The following ZFPM2 variants were observed in gnomAD, a reference collection of about 807,000 sequenced individuals.
ZFPM2 encodes zinc finger protein, FOG family member 2.
ZFPM2 carries 20 observed loss-of-function variants against 98.6 expected under a neutral mutation model. The observed-to-expected ratio is 0.20, with a 90% CI of 0.14 to 0.29. The LOEUF is 0.29. Among genes scored for constraint, ZFPM2 ranks in the 10% least tolerant of loss-of-function variants. ZFPM2 has a pLI of 1.00. For missense variants in ZFPM2, 1,310 were observed against 1,388.6 expected (o/e 0.94, Z 0.90); for synonymous variants, 518 against 502.7 (o/e 1.03, Z -0.41).
chr8:105,481,154 G>C (rs1403013431), intron 3 of ZFPM2, among the ~76,000 whole-genome samples: 1 of 152,032 alleles, frequency 6.6e-6, no homozygotes. Context: ...TAGTGGGAGA[G>C]CCTGTCACAT....
chr8:105,388,093 A>G (rs1198041138), intron 1 of ZFPM2, among the ~76,000 whole-genome samples: 2 of 152,230 alleles, frequency 1.3e-5, no homozygotes, highest in Non-Finnish European at 2.9e-5. Context: ...CTGATAAAAG[A>G]TATGATATGT....
intron 4 of ZFPM2, among the ~76,000 whole-genome samples, chr8:105,616,493 A>G (rs1816417019): frequency 6.6e-6 from 1 of 152,054 alleles, no homozygotes. Context: ...GTTGGATGTA[A>G]TAAATAGGCA....
chr8:105,440,018 A>T (rs1397231248), intron 2 of ZFPM2, among the ~76,000 whole-genome samples: 1 of 152,214 alleles, frequency 6.6e-6, no homozygotes, highest in Non-Finnish European at 1.5e-5. Context: ...GAAGATTAAG[A>T]TGGTAAACTG....
intron 5 of ZFPM2, among the ~76,000 whole-genome samples, chr8:105,750,712 CATAGTTTTCCTGACTCAG>C (rs779658776): frequency 3.0e-4 from 45 of 151,946 alleles, no homozygotes; most frequent in Non-Finnish European, 1.0e-4. Context: ...CAGTAATACT[CATAGTTTTCCTGACTCAG>C]AGGAAAAACG....
chr8:105,459,831 T>G (rs1812670639), intron 3 of ZFPM2, among the ~76,000 whole-genome samples: 1 of 152,154 alleles, frequency 6.6e-6, no homozygotes, highest in South Asian at 2.1e-4. Context: ...GGCCTCAATA[T>G]ATGAGTTTTG....
intron 3 of ZFPM2, among the ~76,000 whole-genome samples, chr8:105,500,596 G>A (rs1207766163): frequency 6.6e-6 from 1 of 152,010 alleles, no homozygotes; most frequent in East Asian, 1.9e-4. Context: ...AGAACGTTAG[G>A]TTTTAAGAAG....
intron 5 of ZFPM2, among the ~76,000 whole-genome samples, chr8:105,785,998 C>T (rs796509282): frequency 1.1e-3 from 153 of 137,666 alleles, no homozygotes; most frequent in African/African-American, 4.2e-3. Context: ...GCGGAGATGG[C>T]GCCACTGCAC....
intron 3 of ZFPM2, among the ~76,000 whole-genome samples, chr8:105,558,476 G>T (rs1586461937): frequency 6.6e-6 from 1 of 152,122 alleles, no homozygotes; most frequent in African/African-American, 2.4e-5. Context: ...TTAAGAGCTT[G>T]TAAAAGTATT....
At chr8:105,652,933 A>G (rs1418682527) in intron 5 of ZFPM2, among the ~76,000 whole-genome samples, 7 of 152,154 alleles carry the variant, frequency 4.6e-5, no homozygotes, top group Admixed American at 6.5e-5. Context: ...CAATGTTGCT[A>G]TGTTTTGAGT....
At chr8:105,763,243 A>C (rs1013857748) in intron 5 of ZFPM2, among the ~76,000 whole-genome samples, 2 of 151,854 alleles carry the variant, frequency 1.3e-5, no homozygotes, top group African/African-American at 4.8e-5. Context: ...TAGCATACAG[A>C]ATATTAGCAA....
chr8:105,682,132 A>G (rs971319583), intron 5 of ZFPM2, among the ~76,000 whole-genome samples: 6 of 152,212 alleles, frequency 3.9e-5, no homozygotes, highest in African/African-American at 1.4e-4. Context: ...CTTCCGTTCA[A>G]GCCATTACAA....
intron 5 of ZFPM2, among the ~76,000 whole-genome samples, chr8:105,778,141 C>T (rs1352048658): frequency 2.6e-5 from 4 of 152,118 alleles, no homozygotes; most frequent in Non-Finnish European, 5.9e-5. Flanking sequence ...ACTCCACTGT[C>T]AAGAATTTCA....
intron 2 of ZFPM2, among the ~76,000 whole-genome samples, chr8:105,421,453 T>A (rs562370624): frequency 2.6e-5 from 4 of 152,106 alleles, no homozygotes; most frequent in African/African-American, 9.7e-5. Flanking sequence ...AATAGTAATA[T>A]TACTATTGAT....
rs1304730678 is a variant in ZFPM2, at chr8:105,745,052, C to T, written c.533-43666C>T. Among the ~76,000 whole-genome samples, 9 of 152,164 alleles carry T rather than the reference C, an allele frequency of 5.9e-5. No homozygotes were observed. In the South Asian group the frequency reaches 1.9e-3, roughly 31 times the overall value. Reference sequence around the variant, plus strand: ...CACATCACAAGCTCTAGCTCTTCTTCTCATATCCAACTTGAATGTCACATT... The same window carrying T: ...CACATCACAAGCTCTAGCTCTTCTTTTCATATCCAACTTGAATGTCACATT... On this transcript the variant is annotated intron_variant, in intron 5 of 7. Transcript: ENST00000407775.
At chr8:105,702,125 A>G (rs1349207016) in intron 5 of ZFPM2, among the ~76,000 whole-genome samples, 1 of 152,218 alleles carries the variant, frequency 6.6e-6, no homozygotes, top group Non-Finnish European at 1.5e-5. Context: ...GTGTCTGCTC[A>G]GCTTCTTAAA....
chr8:105,506,217 A>G (rs2130489731), intron 3 of ZFPM2, among the ~76,000 whole-genome samples: 1 of 152,306 alleles, frequency 6.6e-6, no homozygotes, highest in East Asian at 1.9e-4. Flanking sequence ...AAATATATCA[A>G]TTCTGTGCTG....
At chr8:105,402,748 T>G (rs1811366334) in intron 1 of ZFPM2, among the ~76,000 whole-genome samples, 2 of 152,074 alleles carry the variant, frequency 1.3e-5, no homozygotes, top group Non-Finnish European at 2.9e-5. Context: ...CTTTAGCTAG[T>G]TTGTGGTCCC....
At chr8:105,790,537 A>G (rs1251716073) in intron 6 of ZFPM2, among the ~76,000 whole-genome samples, 1 of 151,610 alleles carries the variant, frequency 6.6e-6, no homozygotes, top group Non-Finnish European at 1.5e-5. Flanking sequence ...TGATGCCTCC[A>G]GCTTTGTTCT....
At chr8:105,753,326 AC>A (rs1326244020) in intron 5 of ZFPM2, among the ~76,000 whole-genome samples, 1 of 151,960 alleles carries the variant, frequency 6.6e-6, no homozygotes, top group Non-Finnish European at 1.5e-5. Context: ...CACACCATAA[AC>A]CTTATACACA....
Sources: allele counts gnomAD v4.1 joint callset (sites outside exome capture counted in the v4.1 genomes callset), GRCh38; gene constraint gnomAD v4.1.1; transcripts MANE v1.5; gene names NCBI Gene and HGNC (gene_info 2026-07-23, HGNC 2026-07-21).